Variants in POLL observed in about 807,000 individuals in gnomAD.
POLL encodes DNA polymerase beta-2.
A neutral mutation model predicts 58.1 loss-of-function variants in POLL; 44 were observed. The ratio of observed to expected loss-of-function variants is 0.76; its 90% CI spans 0.60 to 0.97. The LOEUF (loss-of-function observed/expected upper bound fraction) is 0.97, where lower values mean the gene tolerates loss of function less well. POLL is among the 50% of genes least tolerant of loss of function. The pLI, the probability that POLL is intolerant of heterozygous loss-of-function variation, is 0.00. For synonymous variants in POLL, 290 were observed against 283.2 expected, an observed-to-expected ratio of 1.02 and a Z score of -0.24; for missense variants, 632 against 736.8, an observed-to-expected ratio of 0.86 and a Z score of 1.65.
Position 101,579,898 on chromosome 10 carries a change from T to G in POLL, c.1364-81A>C. 3 of 1,490,724 alleles carry G rather than the reference T, an allele frequency of 2.0e-6. No homozygotes were observed. The allele number at this position is 1,490,724 out of a possible 1,614,324, so 92.3% of individuals were successfully genotyped here. ...ATCCTCCCAGGTCTCTCCTGATGTCTAAGCTGGGGCTTGCCCAGGTATTAG... is the reference window on the plus strand; with the variant it reads ...ATCCTCCCAGGTCTCTCCTGATGTCGAAGCTGGGGCTTGCCCAGGTATTAG... On this transcript the variant is annotated intron_variant, in intron 8 of 8. Coordinates refer to ENST00000370162, the MANE Select transcript of POLL (RefSeq NM_001174084.2). The surrounding 1 kb of genome is among the most constrained non-coding windows in gnomAD (Gnocchi z 4.4).
Position 101,587,811 on chromosome 10 carries a change from T to A in POLL, c.-47+11A>T. ...GGACCTGCACATAAACCCCACATACTATTTCTCTACCTCCAACACAGACTC... is the reference window on the plus strand; with the variant it reads ...GGACCTGCACATAAACCCCACATACAATTTCTCTACCTCCAACACAGACTC... On this transcript the variant is annotated intron_variant, in intron 1 of 8. Coordinates refer to ENST00000370162, the MANE Select transcript of POLL (RefSeq NM_001174084.2). 1 of 1,189,424 alleles carries A rather than the reference T, an allele frequency of 8.4e-7. No individual in the cohort carries two copies. Among genetic ancestry groups the A allele is most frequent in the South Asian group, 1.6e-5 (1 of 63,628 alleles). 73.7% of individuals were successfully genotyped at this position (1,189,424 alleles called of 1,614,324 possible). A position where few individuals can be genotyped will look rare whatever the true frequency, so the allele number is the denominator to read the frequency against.
At chr10:101,587,644 G>A (rs2063459417) in intron 1 of POLL, 178 bp downstream of exon 1, 1 of 968,478 alleles carries the variant, frequency 1.0e-6, no homozygotes, top group Admixed American at 3.4e-5. Context: ...GTACTTTTGA[G>A]GAGTAGGAAA....
At chr10:101,586,588 A>G (rs1221847174) in intron 2 of POLL, among the ~76,000 whole-genome samples, 1 of 150,956 alleles carries the variant, frequency 6.6e-6, no homozygotes, top group Non-Finnish European at 1.5e-5. Context: ...CCATCTCCCG[A>G]GTTCAAGCGA....
chr10:101,584,973 A>T (rs1368376460), intron 4 of POLL, 54 bp from the exon 5 acceptor site: 6 of 1,185,862 alleles, frequency 5.1e-6, no homozygotes, highest in Non-Finnish European at 6.6e-6. Context: ...AAGAGAAGGG[A>T]TCCTTAAAGG....
rs1466134078 is a variant in POLL, at chr10:101,583,565, C to T, written c.1008G>A (p.Glu336=). The T allele has an allele frequency of 1.9e-6, 3 of 1,614,014 alleles. No homozygotes were observed. Among genetic ancestry groups the T allele is most frequent in the South Asian group, 1.1e-5 (1 of 91,072 alleles). ...CAGCTCCCCAGATGTTGGAGAAGAG[C>T]TCCAAGACAGGCACGCTCTCACTGA... ...DHISESVPVL[E]LFSNIWGAGT... is the part of the protein sequence containing the mutation. Residue 336 remains glutamate, a synonymous_variant, in exon 6 of 9, where the codon GAG becomes GAA. Coordinates refer to ENST00000370162, the MANE Select transcript of POLL (RefSeq NM_001174084.2).
rs751460402 is a variant in POLL at position 101,587,362 on chromosome 10, G to T, written c.-2C>A. On this transcript the variant is annotated 5_prime_UTR_variant, in exon 2 of 9. Coordinates refer to ENST00000370162, the MANE Select transcript of POLL (RefSeq NM_001174084.2). ...CTTCAAGATACCCCTGGGATCCATTGAAGTATGGCTGGATCCCGGCCTATT... is the reference window on the plus strand; with the variant it reads ...CTTCAAGATACCCCTGGGATCCATTTAAGTATGGCTGGATCCCGGCCTATT... 6.2e-7 allele frequency: 1 copy of T among 1,613,876 alleles called. No individual in the cohort carries two copies. The highest frequency in any genetic ancestry group is 1.1e-5 in the South Asian group (1 of 91,078).
At chr10:101,581,410 A>C (rs776971378) in intron 7 of POLL, 16 of 152,234 alleles carry the variant, frequency 1.1e-4, no homozygotes, top group Non-Finnish European at 2.1e-4. Context: ...TGACGGTGTC[A>C]TCACTAGCAC....
chr10:101,581,376 C>T (rs1294631510), intron 7 of POLL: 1 of 152,228 alleles, frequency 6.6e-6, no homozygotes, highest in Non-Finnish European at 1.5e-5. Context: ...GAGGCATTCT[C>T]CATGCCCGGA....
At position 101,579,635 on chromosome 10, in the gene POLL, T is replaced by G. The variant is rs202015609; in HGVS notation, c.1546A>C (p.Met516Leu). 1 of 1,613,772 alleles carries G rather than the reference T, an allele frequency of 6.2e-7. No homozygotes were observed. The highest frequency in any genetic ancestry group is 8.5e-7 in the Non-Finnish European group (1 of 1,180,008). Residue 516 changes from methionine (M) to leucine (L), a missense_variant, in exon 9 of 9, where the codon ATG (methionine) becomes CTG (leucine). Physicochemically the swap from Met to Leu is conservative, Grantham distance 15. Transcript: ENST00000370162. The surrounding 1 kb of genome is among the most constrained non-coding windows in gnomAD (Gnocchi z 4.4). Reference protein sequence around the residue: ...FTGSAHFNRSMRALAKTKGMS... With the variant: ...FTGSAHFNRSLRALAKTKGMS... ...CCCTTGGTTTTGGCCAGGGCTCGCA[T>G]GGAGCGGTTGAAGTGTGCAGAGCCG...
rs768787696 is a variant in POLL, at chr10:101,586,001, A to G, written c.271T>C (p.Tyr91His). 5 of 1,614,106 alleles carry G rather than the reference A, an allele frequency of 3.1e-6. No homozygotes were observed. Among genetic ancestry groups the G allele is most frequent in the South Asian group, 1.1e-5 (1 of 91,084 alleles). ...THIVVDEGMD[Y>H]ERALRLLRLP... Reference sequence around the variant, plus strand: ...CTGAGAAGGCGGAGGGCTCGCTCATAGTCCATGCCTTCATCCACCACAATG... The same window carrying G: ...CTGAGAAGGCGGAGGGCTCGCTCATGGTCCATGCCTTCATCCACCACAATG... Residue 91 changes from tyrosine (Y) to histidine (H), a missense_variant, in exon 3 of 9, where the codon TAT becomes CAT. Physicochemically the swap from Tyr to His is moderately conservative, Grantham distance 83. Transcript: ENST00000370162.
chr10:101,580,623 G>A lies in POLL; in HGVS notation c.1195-207C>T, dbSNP rs534338792. On this transcript the variant is annotated intron_variant, in intron 7 of 8. Coordinates refer to ENST00000370162, the MANE Select transcript of POLL (RefSeq NM_001174084.2). The surrounding 1 kb of genome is among the most constrained non-coding windows in gnomAD (Gnocchi z 4.1). ...AGAGAAGAAAAAGCTCACTGTGCAG[G>A]AGGCAAGCCTGAGGAGAGACGGGAG... The A allele has an allele frequency of 1.1e-4, 63 of 550,562 alleles. 1 individual carries two copies. The South Asian group carries it at 1.4e-3, about 12-fold the overall frequency. The allele number at this position is 550,562 out of a possible 1,614,324, so 34.1% of individuals were successfully genotyped here.
In POLL at chr10:101,588,002, G is replaced by A. The variant is rs1227344099; in HGVS notation, c.-227C>T. 1.5e-6 allele frequency: 2 copies of A among 1,333,726 alleles called. No individual in the cohort carries two copies. The highest frequency in any genetic ancestry group is 4.6e-5 in the Admixed American group (2 of 43,660). 82.6% of individuals were successfully genotyped at this position (1,333,726 alleles called of 1,614,324 possible). ...GGGAATGGAGGAGTCTCGCAGCTGCGGGTGAAGTCCCGGGCAGGTGCGGTG... is the reference window on the plus strand; with the variant it reads ...GGGAATGGAGGAGTCTCGCAGCTGCAGGTGAAGTCCCGGGCAGGTGCGGTG... On this transcript the variant is annotated 5_prime_UTR_variant, in exon 1 of 9. Transcript: ENST00000370162.
chr10:101,582,833 A>G lies in POLL; in HGVS notation c.1124T>C (p.Ile375Thr). 1 of 1,614,070 alleles carries G rather than the reference A, an allele frequency of 6.2e-7. No homozygotes were observed. Among genetic ancestry groups the G allele is most frequent in the Non-Finnish European group, 8.5e-7 (1 of 1,179,886 alleles). ...GAAGTCACTGTAATGCTTCAGGCCGATGGCCTGCTGGGTTGTCAGGGAGGC... is the reference window on the plus strand; with the variant it reads ...GAAGTCACTGTAATGCTTCAGGCCGGTGGCCTGCTGGGTTGTCAGGGAGGC... ...SQASLTTQQA[I>T]GLKHYSDFLE... Residue 375 changes from isoleucine to threonine, a missense_variant, in exon 7 of 9, where the codon ATC becomes ACC. By Grantham distance (89) the Ile-to-Thr change is moderately conservative. Transcript: ENST00000370162.
intron 7 of POLL, 123 bp downstream of exon 7, chr10:101,582,640 T>A: frequency 1.0e-6 from 1 of 1,002,242 alleles, no homozygotes; most frequent in Non-Finnish European, 1.5e-6. Flanking sequence ...GCTCAACCTC[T>A]GGTGATCCAC....
rs2063211999 is a variant in POLL, at chr10:101,584,821, C to T, written c.672G>A (p.Glu224=). The change falls in exon 5 of 9, where the codon GAG becomes GAA. Residue 224 remains glutamate (E), a synonymous_variant. Transcript: ENST00000370162. The part of the protein sequence containing the change: ...LISGHYPTSL[E]GDCEPSPAPA... ...GGGCTGGGCTAGGCTCACAATCTCC[C>T]TCAAGGGAGGTGGGGTAGTGGCCAC... 1.9e-6 allele frequency: 3 copies of T among 1,572,514 alleles called. No homozygotes were observed. In the East Asian group the frequency reaches 6.8e-5, roughly 36 times the overall value.
Position 101,579,881 on chromosome 10 carries a change from A to G in POLL, c.1364-64T>C. The G allele has an allele frequency of 6.5e-7, 1 of 1,546,684 alleles. No homozygotes were observed. Among genetic ancestry groups the G allele is most frequent in the Non-Finnish European group, 8.7e-7 (1 of 1,145,674 alleles). On this transcript the variant is annotated intron_variant, in intron 8 of 8. Coordinates refer to ENST00000370162, the MANE Select transcript of POLL (RefSeq NM_001174084.2). The surrounding 1 kb of genome is among the most constrained non-coding windows in gnomAD (Gnocchi z 4.4). ...CAGGCCTGGGCTGTCCCATCCTCCC[A>G]GGTCTCTCCTGATGTCTAAGCTGGG... is the stretch of plus-strand genomic sequence containing the variant.
At position 101,583,625 on chromosome 10, in the gene POLL, G is replaced by A. The variant is rs1409134817; in HGVS notation, c.948C>T (p.Ile316=). The A allele has an allele frequency of 9.3e-6, 15 of 1,614,056 alleles. No individual in the cohort carries two copies. Among genetic ancestry groups the A allele is most frequent in the Non-Finnish European group, 1.2e-5 (14 of 1,180,054 alleles). Reference sequence around the variant, plus strand: ...GCTTCCGCAAATGCCCGCTCTCCAGGATCTCTATGATTTTCTCAGCCATCC... The same window carrying A: ...GCTTCCGCAAATGCCCGCTCTCCAGAATCTCTATGATTTTCTCAGCCATCC... ...GKRMAEKIIE[I]LESGHLRKLD... Residue 316 remains isoleucine (I), a synonymous_variant, in exon 6 of 9, where the codon ATC becomes ATT. Coordinates refer to ENST00000370162, the MANE Select transcript of POLL (RefSeq NM_001174084.2).
chr10:101,588,029 A>C lies in POLL; in HGVS notation c.-254T>G, dbSNP rs1482981914. ...GTGAAGTCCCGGGCAGGTGCGGTGTACTCGCCGTGTACGCAGCTGGCGCAG... is the reference window on the plus strand; with the variant it reads ...GTGAAGTCCCGGGCAGGTGCGGTGTCCTCGCCGTGTACGCAGCTGGCGCAG... On this transcript the variant is annotated 5_prime_UTR_variant, in exon 1 of 9. Coordinates refer to ENST00000370162, the MANE Select transcript of POLL (RefSeq NM_001174084.2). 9 of 1,388,250 alleles carry C rather than the reference A, an allele frequency of 6.5e-6. No individual in the cohort carries two copies. Among genetic ancestry groups the C allele is most frequent in the African/African-American group, 1.4e-5 (1 of 69,312 alleles). 86.0% of individuals were successfully genotyped at this position (1,388,250 alleles called of 1,614,324 possible). A position where few individuals can be genotyped will look rare whatever the true frequency, so the allele number is the denominator to read the frequency against.
rs1017505907 is a variant in POLL, at chr10:101,587,863, G to A, written c.-88C>T. 3.0e-5 allele frequency: 36 copies of A among 1,190,448 alleles called. No homozygotes were observed. The South Asian group carries it at 5.1e-4, about 17-fold the overall frequency. The allele number at this position is 1,190,448 out of a possible 1,614,324, so 73.7% of individuals were successfully genotyped here. A position where few individuals can be genotyped will look rare whatever the true frequency, so the allele number is the denominator to read the frequency against. On this transcript the variant is annotated 5_prime_UTR_variant, in exon 1 of 9. Coordinates refer to ENST00000370162, the MANE Select transcript of POLL (RefSeq NM_001174084.2). Reference sequence around the variant, plus strand: ...CAGAGGAAGGAGGAGGACTTTCGGGGGTGAGTGGGAACGCCCTGCACCTGT... The same window carrying A: ...CAGAGGAAGGAGGAGGACTTTCGGGAGTGAGTGGGAACGCCCTGCACCTGT...
Sources: allele counts gnomAD v4.1 joint callset (sites outside exome capture counted in the v4.1 genomes callset), GRCh38; gene constraint gnomAD v4.1.1; non-coding constraint Gnocchi (gnomAD v3.1); transcripts MANE v1.5; gene names NCBI Gene and HGNC (gene_info 2026-07-23, HGNC 2026-07-21).